FRK: variants seen among roughly 807,000 people sequenced by gnomAD.
The protein encoded by FRK is tyrosine-protein kinase FRK.
In FRK, 51 loss-of-function variants were observed where a neutral mutation model predicts 56.4. That is an observed-to-expected ratio of 0.90 (90% CI 0.72 to 1.14). The LOEUF is 1.14. FRK is among the 50% of genes most tolerant of loss of function. The pLI is 0.00. For missense variants in FRK, 570 were observed against 601.4 expected, an observed-to-expected ratio of 0.95 and a Z score of 0.55; for synonymous variants, 245 against 217.9, an observed-to-expected ratio of 1.12 and a Z score of -1.10.
intron 2 of FRK, among the ~76,000 whole-genome samples, chr6:115,994,571 T>C (rs1399091046): frequency 6.6e-6 from 1 of 152,110 alleles, no homozygotes; most frequent in Non-Finnish European, 1.5e-5. Flanking sequence ...TTTACTGGCA[T>C]GGCCACTGAC....
the FRK span, among the ~76,000 whole-genome samples, chr6:116,087,067 C>T: frequency 2.0e-5 from 3 of 152,326 alleles, no homozygotes; most frequent in East Asian, 1.9e-4. Flanking sequence ...TTGAGCAGAG[C>T]GCGCAGCATG....
intron 1 of FRK, among the ~76,000 whole-genome samples, chr6:116,025,476 C>T (rs1776053426): frequency 6.6e-6 from 1 of 152,102 alleles, no homozygotes; most frequent in Non-Finnish European, 1.5e-5. Context: ...ATGAAATATT[C>T]TATTGAATTT....
chr6:116,024,805 G>A (rs1776023688), intron 1 of FRK, among the ~76,000 whole-genome samples: 1 of 152,090 alleles, frequency 6.6e-6, no homozygotes, highest in Non-Finnish European at 1.5e-5. Context: ...TGGGTCAAAT[G>A]GTATTTCCAG....
intron 1 of FRK, among the ~76,000 whole-genome samples, chr6:116,010,939 C>T (rs1775442570): frequency 6.6e-6 from 1 of 151,978 alleles, no homozygotes; most frequent in South Asian, 2.1e-4. Flanking sequence ...CAGTTTCATC[C>T]CAAGTGACTC....
intron 1 of FRK, among the ~76,000 whole-genome samples, chr6:116,033,224 T>C (rs868102659): frequency 2.0e-4 from 31 of 152,250 alleles, no homozygotes; most frequent in South Asian, 8.3e-4. Context: ...ACATTTCAAT[T>C]CAAATATCTA....
intron 1 of FRK, among the ~76,000 whole-genome samples, chr6:116,050,587 A>G (rs1322047247): frequency 6.6e-6 from 1 of 152,162 alleles, no homozygotes; most frequent in Non-Finnish European, 1.5e-5. Context: ...CCCTGCAATG[A>G]ATAATAAAAC....
At chr6:116,071,616 C>T in the FRK span, among the ~76,000 whole-genome samples, 1 of 152,166 alleles carries the variant, frequency 6.6e-6, no homozygotes, top group African/African-American at 2.4e-5. Flanking sequence ...GATTAAACCA[C>T]ATGTCATTAA....
At chr6:116,011,792 T>C (rs7451963) in intron 1 of FRK, among the ~76,000 whole-genome samples, 2 of 152,274 alleles carry the variant, frequency 1.3e-5, no homozygotes, top group African/African-American at 2.4e-5. Context: ...ACTATTATGG[T>C]TCGGTATGAC....
chr6:115,955,716 T>C (rs1016090601), intron 5 of FRK, among the ~76,000 whole-genome samples: 49 of 152,180 alleles, frequency 3.2e-4, no homozygotes, highest in African/African-American at 1.1e-3. Flanking sequence ...AAACATTCTA[T>C]CATTCCACCC....
the FRK span, among the ~76,000 whole-genome samples, chr6:116,074,356 T>G: frequency 3.9e-5 from 6 of 152,280 alleles, no homozygotes; most frequent in South Asian, 1.0e-3. Context: ...GTTTTAAAAC[T>G]GAGGAAGTCC....
At chr6:116,052,134 T>C (rs1163005390) in intron 1 of FRK, among the ~76,000 whole-genome samples, 1 of 152,162 alleles carries the variant, frequency 6.6e-6, no homozygotes, top group Non-Finnish European at 1.5e-5. Context: ...CCTGACTTGA[T>C]ATTCAGTCTA....
At chr6:116,015,125 G>A (rs1775604294) in intron 1 of FRK, among the ~76,000 whole-genome samples, 1 of 152,072 alleles carries the variant, frequency 6.6e-6, no homozygotes, top group Non-Finnish European at 1.5e-5. Flanking sequence ...GATATGGTTT[G>A]GCTCTGTGTC....
At chr6:116,003,316 G>A (rs1390977707) in intron 2 of FRK, among the ~76,000 whole-genome samples, 1 of 152,164 alleles carries the variant, frequency 6.6e-6, no homozygotes, top group Non-Finnish European at 1.5e-5. Context: ...CATATATTTA[G>A]GTACCTGTAA....
chr6:115,977,767 C>T (rs1232543638), intron 2 of FRK, among the ~76,000 whole-genome samples: 2 of 152,078 alleles, frequency 1.3e-5, no homozygotes, highest in Non-Finnish European at 2.9e-5. Flanking sequence ...ATGCTGATCA[C>T]ATTTTTGAGA....
In FRK at chr6:116,060,684, T is replaced by G; in HGVS notation, c.-373A>C. ...GAGAACAGAATGGTGCCATCTTGCC[T>G]TTTGTCCCAATAAAAAGTTAGCAAG... is the stretch of plus-strand genomic sequence containing the variant. On this transcript the variant is annotated 5_prime_UTR_variant, in exon 1 of 8. Transcript: ENST00000606080. 1 of 170,898 alleles carries G rather than the reference T, an allele frequency of 5.9e-6. No homozygotes were observed. The allele number at this position is 170,898 out of a possible 1,614,324, so 10.6% of individuals were successfully genotyped here. A position where few individuals can be genotyped will look rare whatever the true frequency, so the allele number is the denominator to read the frequency against.
chr6:116,087,533 C>T, the FRK span, among the ~76,000 whole-genome samples: 3 of 152,192 alleles, frequency 2.0e-5, no homozygotes, highest in South Asian at 2.1e-4. Context: ...GACACGAACA[C>T]GTTTGGAAAG....
chr6:116,058,456 T>C (rs1777477417), intron 1 of FRK, among the ~76,000 whole-genome samples: 1 of 152,180 alleles, frequency 6.6e-6, no homozygotes, highest in African/African-American at 2.4e-5. Flanking sequence ...CCTTCATATG[T>C]GATGTATGAG....
At chr6:116,099,074 A>G in the FRK span, among the ~76,000 whole-genome samples, 9,374 of 152,288 alleles carry the variant, frequency 0.062, 434 homozygotes, top group Admixed American at 0.14. Context: ...GTTGATGTGC[A>G]TGTAATAGCC....
At chr6:116,017,968 G>C (rs1015961058) in intron 1 of FRK, among the ~76,000 whole-genome samples, 2 of 152,164 alleles carry the variant, frequency 1.3e-5, no homozygotes, top group African/African-American at 2.4e-5. Flanking sequence ...AATTTGTGAA[G>C]AGCAAAGCTT....
Sources: allele counts gnomAD v4.1 joint callset (sites outside exome capture counted in the v4.1 genomes callset), GRCh38; gene constraint gnomAD v4.1.1; transcripts MANE v1.5; gene names NCBI Gene and HGNC (gene_info 2026-07-23, HGNC 2026-07-21).